The following ERC2 variants were observed in gnomAD, a reference collection of about 807,000 sequenced individuals.
ERC2 encodes ERC protein 2.
A neutral mutation model predicts 114.8 loss-of-function variants in ERC2; 42 were observed. The observed-to-expected ratio is 0.37, with a 90% CI of 0.29 to 0.47. The LOEUF (loss-of-function observed/expected upper bound fraction) is 0.47. ERC2 is among the 20% of genes least tolerant of loss of function. The pLI is 0.99. For missense variants in ERC2, 939 were observed against 1,150.7 expected (o/e 0.82, Z 2.66); for synonymous variants, 454 against 425.5 (o/e 1.07, Z -0.82).
In ERC2 at chr3:55,950,442, T is replaced by C; in HGVS notation, c.2386A>G (p.Asn796Asp). 6.2e-7 allele frequency: 1 copy of C among 1,614,040 alleles called. No homozygotes were observed. The highest frequency in any genetic ancestry group is 8.5e-7 in the Non-Finnish European group (1 of 1,179,888). ...GTGCTTACCTGCAAATGCTGTGAGTTGTCAGCCATGCTGTCTTCTCGCCTG... is the reference window on the plus strand; with the variant it reads ...GTGCTTACCTGCAAATGCTGTGAGTCGTCAGCCATGCTGTCTTCTCGCCTG... The part of the protein sequence containing the change: ...VRRREDSMAD[N>D]SQHLQIEELM... The change falls in exon 13 of 18, where the codon AAC (asparagine) becomes GAC (aspartate). Residue 796 changes from asparagine to aspartate, a missense_variant. Asn to Asp is a conservative substitution (Grantham distance 23). This residue lies in a region of ERC2 where 328 missense variants were observed against 353.9 expected (regional missense o/e 0.93). Transcript: ENST00000288221.
At chr3:55,800,922 A>G (rs1452606342) in intron 14 of ERC2, among the ~76,000 whole-genome samples, 1 of 152,124 alleles carries the variant, frequency 6.6e-6, no homozygotes, top group Admixed American at 6.5e-5. Flanking sequence ...GAGGGTTACT[A>G]TCCTTCCTAA....
At chr3:55,588,995 C>A (rs2057733902) in intron 17 of ERC2, among the ~76,000 whole-genome samples, 1 of 151,982 alleles carries the variant, frequency 6.6e-6, no homozygotes, top group Admixed American at 6.5e-5. Flanking sequence ...TAAACACAGG[C>A]TTTGGAGTCA....
At chr3:56,369,034 G>T (rs1560686988) in intron 2 of ERC2, among the ~76,000 whole-genome samples, 1 of 152,184 alleles carries the variant, frequency 6.6e-6, no homozygotes, top group Non-Finnish European at 1.5e-5. Context: ...GCTTTCAGAA[G>T]CACACAGCTG....
chr3:55,688,476 G>A (rs2062453390), intron 16 of ERC2, among the ~76,000 whole-genome samples: 1 of 152,126 alleles, frequency 6.6e-6, no homozygotes, highest in South Asian at 2.1e-4. Context: ...CACCATATGA[G>A]CCGAGAAGCC....
chr3:56,298,504 T>C (rs982488771), intron 2 of ERC2, among the ~76,000 whole-genome samples: 3 of 152,140 alleles, frequency 2.0e-5, no homozygotes, highest in African/African-American at 7.2e-5. Flanking sequence ...AAATCTAGTA[T>C]ATCAATTTAA....
chr3:56,096,861 T>C (rs369718245), intron 6 of ERC2, among the ~76,000 whole-genome samples: 11 of 152,302 alleles, frequency 7.2e-5, no homozygotes, highest in African/African-American at 2.4e-4. Flanking sequence ...CAGCCAAATA[T>C]TTAATACTGA....
Position 55,729,415 on chromosome 3 carries a change from A to G in ERC2, c.2712+5356T>C, listed in dbSNP as rs1440629328. ...ACCCATCCTGTCTACCCTATTTTAA[A>G]TTGTCACCAGATCCCTGATCCTACC... On this transcript the variant is annotated intron_variant, in intron 15 of 17. Coordinates refer to ENST00000288221, the MANE Select transcript of ERC2 (RefSeq NM_015576.3). Among the ~76,000 whole-genome samples, 3 of 152,034 alleles carry G rather than the reference A, an allele frequency of 2.0e-5. No individual in the cohort carries two copies. The East Asian group carries it at 5.8e-4, about 29-fold the overall frequency.
chr3:55,853,862 A>G (rs562365370), intron 14 of ERC2, among the ~76,000 whole-genome samples: 1 of 152,330 alleles, frequency 6.6e-6, no homozygotes, highest in Non-Finnish European at 1.5e-5. Flanking sequence ...CAACAATGTG[A>G]ATGTACTTAA....
chr3:55,857,403 T>A (rs2061837389), intron 14 of ERC2, among the ~76,000 whole-genome samples: 2 of 152,180 alleles, frequency 1.3e-5, no homozygotes, highest in Admixed American at 6.5e-5. Flanking sequence ...TCATTTTTTT[T>A]AATTGTGGCA....
chr3:56,102,689 A>G (rs2078427366), intron 6 of ERC2, among the ~76,000 whole-genome samples: 1 of 152,238 alleles, frequency 6.6e-6, no homozygotes, highest in Non-Finnish European at 1.5e-5. Context: ...ATGCTCTTCT[A>G]AACTACAAGC....
intron 7 of ERC2, among the ~76,000 whole-genome samples, chr3:56,075,353 GAC>G (rs769941934): frequency 1.4e-4 from 22 of 152,266 alleles, no homozygotes; most frequent in Non-Finnish European, 2.6e-4. Flanking sequence ...CAACAGAAAA[GAC>G]AGCTGACCAG....
chr3:55,626,924 A>G (rs2059543888), intron 17 of ERC2, among the ~76,000 whole-genome samples: 1 of 152,262 alleles, frequency 6.6e-6, no homozygotes, highest in Non-Finnish European at 1.5e-5. Context: ...GACATTGTAC[A>G]GGTCAAATGG....
At position 56,007,249 on chromosome 3, in the gene ERC2, T is replaced by A; in HGVS notation, c.1993A>T (p.Lys665Ter). ...SAGLKRDSKLKSLEIAIEQKK... is the reference protein window; with the variant it reads ...SAGLKRDSKL ...TGTTCAATGGCTATTTCTAGAGATTTTAATTTGGAATCCCTTTTCAGCCCC... is the reference window on the plus strand; with the variant it reads ...TGTTCAATGGCTATTTCTAGAGATTATAATTTGGAATCCCTTTTCAGCCCC... Residue 665 changes from lysine to a stop codon, truncating the protein, a stop_gained, in exon 10 of 18, where the codon AAA becomes TAA. Coordinates refer to ENST00000288221, the MANE Select transcript of ERC2 (RefSeq NM_015576.3). LOFTEE classifies it high-confidence loss of function. The A allele has an allele frequency of 6.3e-7, 1 of 1,589,438 alleles. No individual in the cohort carries two copies.
intron 17 of ERC2, among the ~76,000 whole-genome samples, chr3:55,548,396 G>A (rs2054909978): frequency 1.3e-5 from 2 of 152,228 alleles, no homozygotes; most frequent in African/African-American, 4.8e-5. Context: ...GATGTAAATA[G>A]TGTGGCTTGA....
intron 17 of ERC2, among the ~76,000 whole-genome samples, chr3:55,550,783 A>G (rs571169914): frequency 2.7e-3 from 406 of 151,846 alleles, no homozygotes; most frequent in South Asian, 4.8e-3. Context: ...TTGGGAGGCC[A>G]AGGCGGGCAG....
chr3:55,668,281 C>A (rs182189750), intron 17 of ERC2, among the ~76,000 whole-genome samples: 3 of 152,072 alleles, frequency 2.0e-5, no homozygotes. Context: ...TAATACTGAA[C>A]AAAGAACACG....
At chr3:56,393,275 G>T (rs4475006) in intron 2 of ERC2, among the ~76,000 whole-genome samples, 93,035 of 152,020 alleles carry the variant, frequency 0.61, 28,985 homozygotes, top group East Asian at 0.85. Context: ...GTGCATGCCT[G>T]TAATCCTAGC....
chr3:56,415,472 T>G (rs1392913931), intron 2 of ERC2, among the ~76,000 whole-genome samples: 1 of 152,200 alleles, frequency 6.6e-6, no homozygotes, highest in East Asian at 1.9e-4. Flanking sequence ...ATGCTGAAAG[T>G]AAGGGAAATA....
At chr3:56,133,632 T>C (rs1432693389) in intron 6 of ERC2, among the ~76,000 whole-genome samples, 1 of 152,160 alleles carries the variant, frequency 6.6e-6, no homozygotes, top group Non-Finnish European at 1.5e-5. Context: ...TCTGAGCTTC[T>C]ATTTCATCAT....
Sources: allele counts gnomAD v4.1 joint callset (sites outside exome capture counted in the v4.1 genomes callset), GRCh38; gene constraint gnomAD v4.1.1; regional missense constraint gnomAD v4.1.1; transcripts MANE v1.5; gene names NCBI Gene and HGNC (gene_info 2026-07-23, HGNC 2026-07-21).